The following NPSR1 variants were observed in gnomAD, a reference collection of about 807,000 sequenced individuals.
The protein encoded by NPSR1 is neuropeptide S receptor 1.
Under a neutral mutation model 46.9 loss-of-function variants are expected in NPSR1, and 48 were observed. The observed-to-expected ratio is 1.02, with a 90% CI of 0.81 to 1.30. NPSR1 has a LOEUF of 1.30. NPSR1 is among the 50% of genes most tolerant of loss of function. NPSR1 has a pLI of 0.00. For synonymous variants in NPSR1, 176 were observed against 168.1 expected (o/e 1.05, Z -0.36); for missense variants, 450 against 449.5 (o/e 1.00, Z -0.01).
intron 8 of NPSR1, among the ~76,000 whole-genome samples, chr7:34,869,417 C>G (rs2128769736): frequency 6.6e-6 from 1 of 151,786 alleles, no homozygotes; most frequent in East Asian, 1.9e-4. Context: ...CGTTCCCACA[C>G]ACCCTCTTCT....
At chr7:34,823,278 G>A (rs1005841049) in intron 4 of NPSR1, among the ~76,000 whole-genome samples, 1 of 151,482 alleles carries the variant, frequency 6.6e-6, no homozygotes, top group Admixed American at 6.6e-5. Context: ...CTGTAATCCC[G>A]CTACTCAAGA....
chr7:34,822,217 G>T (rs775947899), intron 4 of NPSR1, among the ~76,000 whole-genome samples: 1 of 152,158 alleles, frequency 6.6e-6, no homozygotes, highest in Non-Finnish European at 1.5e-5. Flanking sequence ...TTTTAGTACC[G>T]CAGCTTGTCA....
chr7:34,672,590 T>A (rs1792114699), intron 1 of NPSR1, among the ~76,000 whole-genome samples: 1 of 152,200 alleles, frequency 6.6e-6, no homozygotes, highest in African/African-American at 2.4e-5. Context: ...TCCAAACCAA[T>A]GACTATGTCT....
intron 2 of NPSR1, among the ~76,000 whole-genome samples, chr7:34,701,050 C>A (rs1376923523): frequency 6.6e-6 from 1 of 152,182 alleles, no homozygotes; most frequent in East Asian, 1.9e-4. Context: ...GGACAATACA[C>A]TTTGCTCAGG....
intron 3 of NPSR1, among the ~76,000 whole-genome samples, chr7:34,803,315 C>G (rs897110027): frequency 1.6e-4 from 25 of 152,116 alleles, no homozygotes; most frequent in Middle Eastern, 3.4e-3. Context: ...TTGGAACCAA[C>G]CCAAATGTCC....
intron 5 of NPSR1, among the ~76,000 whole-genome samples, chr7:34,829,279 A>G (rs1790008853): frequency 1.3e-5 from 2 of 152,180 alleles, no homozygotes; most frequent in Admixed American, 1.3e-4. Flanking sequence ...AGCCTTTCCA[A>G]AATGGGGTGT....
chr7:34,806,984 G>T (rs1023949687), intron 3 of NPSR1, among the ~76,000 whole-genome samples: 1 of 151,996 alleles, frequency 6.6e-6, no homozygotes, highest in East Asian at 1.9e-4. Context: ...AAGGGGTGGG[G>T]TAGTGAGAAT....
intron 1 of NPSR1, among the ~76,000 whole-genome samples, chr7:34,675,017 A>G (rs887743067): frequency 2.0e-5 from 3 of 152,238 alleles, no homozygotes; most frequent in Non-Finnish European, 4.4e-5. Flanking sequence ...TAAGCAGGGC[A>G]TGGTCTTTCC....
chr7:34,796,411 T>C (rs537701672), intron 3 of NPSR1, among the ~76,000 whole-genome samples: 2 of 152,166 alleles, frequency 1.3e-5, no homozygotes, highest in South Asian at 2.1e-4. Flanking sequence ...CTAAAGAGAA[T>C]ATATTTGCAA....
chr7:34,795,869 C>G (rs1306160502), intron 3 of NPSR1, among the ~76,000 whole-genome samples: 2 of 152,016 alleles, frequency 1.3e-5, no homozygotes, highest in Non-Finnish European at 2.9e-5. Flanking sequence ...AGTCAGTAAC[C>G]CAGCAAGTTA....
chr7:34,836,291 A>G (rs1790367052), intron 6 of NPSR1, among the ~76,000 whole-genome samples: 1 of 152,254 alleles, frequency 6.6e-6, no homozygotes, highest in Admixed American at 6.5e-5. Flanking sequence ...TTGGATGAAG[A>G]CATCCTTCCT....
chr7:34,693,613 T>A (rs1793372429), intron 2 of NPSR1, among the ~76,000 whole-genome samples: 2 of 152,130 alleles, frequency 1.3e-5, no homozygotes, highest in South Asian at 4.1e-4. Context: ...AAAACATGAA[T>A]GTGAAGCAAT....
intron 3 of NPSR1, among the ~76,000 whole-genome samples, chr7:34,784,036 A>T (rs1261187498): frequency 2.6e-5 from 4 of 152,206 alleles, no homozygotes; most frequent in Admixed American, 2.6e-4. Context: ...GGAAAAAAAA[A>T]AGAGCGAGCT....
rs143107966 is a variant in NPSR1 at position 34,757,149 on chromosome 7, A to G, written c.281-21313A>G. Among the ~76,000 whole-genome samples, 701 of 152,264 alleles carry G rather than the reference A, an allele frequency of 4.6e-3. 3 individuals are homozygous for G. The highest frequency in any genetic ancestry group is 0.012 in the Admixed American group (187 of 15,280). ...GTACCTATATTTGTATTGCACTTAC[A>G]GTGAAAATTATCTAATTATATTATT... On this transcript the variant is annotated intron_variant, in intron 2 of 8. Transcript: ENST00000360581.
At chr7:34,762,383 G>T (rs1786221563) in intron 2 of NPSR1, among the ~76,000 whole-genome samples, 1 of 152,106 alleles carries the variant, frequency 6.6e-6, no homozygotes, top group Admixed American at 6.6e-5. Flanking sequence ...TATTAATATT[G>T]TAAAATGAGC....
Position 34,834,539 on chromosome 7 carries a change from G to A in NPSR1, c.757+79G>A, listed in dbSNP as rs34049353. On this transcript the variant is annotated intron_variant, in intron 6 of 8. Transcript: ENST00000360581. Reference sequence around the variant, plus strand: ...TTTTCTTCTAGCAAATGTGAGCTAGGGACTCCTTGATACACAAGCATACAG... The same window carrying A: ...TTTTCTTCTAGCAAATGTGAGCTAGAGACTCCTTGATACACAAGCATACAG... The A allele has an allele frequency of 5.9e-3, 5,826 of 989,220 alleles. 30 individuals are homozygous for A. Among genetic ancestry groups the A allele is most frequent in the Non-Finnish European group, 7.8e-3 (4,784 of 613,076 alleles). 61.3% of individuals were successfully genotyped at this position (989,220 alleles called of 1,614,324 possible). A position where few individuals can be genotyped will look rare whatever the true frequency, so the allele number is the denominator to read the frequency against.
chr7:34,802,330 A>G (rs187474120), intron 3 of NPSR1, among the ~76,000 whole-genome samples: 2,961 of 150,426 alleles, frequency 0.02, 101 homozygotes, highest in East Asian at 0.12. Context: ...ACAAGGCTAC[A>G]ATAACCAAAA....
Position 34,827,401 on chromosome 7 carries a change from A to G in NPSR1, c.479A>G (p.Glu160Gly), listed in dbSNP as rs1343460838. Residue 160 changes from glutamate to glycine, a missense_variant and splice_region_variant, in exon 5 of 9, where the codon GAA becomes GGA. By Grantham distance (98) the Glu-to-Gly change is moderately conservative. Coordinates refer to ENST00000360581, the MANE Select transcript of NPSR1 (RefSeq NM_207172.2). Reference protein sequence around the residue: ...IVYPMKFLQGEKQARVLIVIA... With the variant: ...IVYPMKFLQGGKQARVLIVIA... Reference sequence around the variant, plus strand: ...ACATTCCTCTCTTTTCTTTGGGCAGAAAAGCAAGCCAGGGTCCTCATTGTG... The same window carrying G: ...ACATTCCTCTCTTTTCTTTGGGCAGGAAAGCAAGCCAGGGTCCTCATTGTG... 6.2e-7 allele frequency: 1 copy of G among 1,613,998 alleles called. No individual in the cohort carries two copies. Among genetic ancestry groups the G allele is most frequent in the Admixed American group, 1.7e-5 (1 of 60,012 alleles).
intron 2 of NPSR1, among the ~76,000 whole-genome samples, chr7:34,708,366 T>C (rs1281975891): frequency 6.6e-6 from 1 of 152,182 alleles, no homozygotes; most frequent in Non-Finnish European, 1.5e-5. Context: ...GAACAAGACA[T>C]GCAATTACAC....
Sources: gnomAD v4.1 joint callset for allele counts (sites outside exome capture counted in the v4.1 genomes callset) on GRCh38, gnomAD v4.1.1 for gene constraint, MANE v1.5 for transcripts, NCBI Gene and HGNC (gene_info 2026-07-23, HGNC 2026-07-21) for gene names.